The following TRHDE variants were observed in gnomAD, a reference collection of about 807,000 sequenced individuals.
The protein encoded by TRHDE is thyrotropin releasing hormone degrading enzyme.
In TRHDE, 72 loss-of-function variants were observed where a neutral mutation model predicts 125.7. The observed-to-expected ratio is 0.57, with a 90% CI of 0.47 to 0.70. The LOEUF is 0.70. TRHDE is among the 30% of genes least tolerant of loss of function. TRHDE has a pLI of 0.00. For missense variants in TRHDE, 1,110 were observed against 1,327.1 expected (o/e 0.84, Z 2.54); for synonymous variants, 509 against 509.1 (o/e 1.00, Z 0.00).
chr12:72,175,360 G>C (rs772573180), intron 2 of TRHDE, among the ~76,000 whole-genome samples: 4 of 152,166 alleles, frequency 2.6e-5, no homozygotes, highest in Non-Finnish European at 5.9e-5. Context: ...TACTACCGTG[G>C]TGTTTGCAAA....
intron 3 of TRHDE, 73 bp from the exon 4 acceptor site, chr12:72,469,685 C>T: frequency 6.7e-7 from 1 of 1,491,040 alleles, no homozygotes; most frequent in Non-Finnish European, 9.1e-7. Flanking sequence ...GATTTCTGGA[C>T]ACTTTTTAGG....
At chr12:72,391,848 A>G (rs775403365) in intron 3 of TRHDE, among the ~76,000 whole-genome samples, 6 of 152,152 alleles carry the variant, frequency 3.9e-5, no homozygotes, top group Non-Finnish European at 7.4e-5. Context: ...TCTTATACCT[A>G]TTGCTATGGA....
chr12:72,607,192 T>G (rs138399494), intron 12 of TRHDE, among the ~76,000 whole-genome samples: 178 of 152,280 alleles, frequency 1.2e-3, no homozygotes, highest in African/African-American at 4.0e-3. Flanking sequence ...TTTTGCTAAT[T>G]GCATCCGCAC....
At chr12:72,411,063 C>T (rs1411533738) in intron 3 of TRHDE, among the ~76,000 whole-genome samples, 1 of 151,802 alleles carries the variant, frequency 6.6e-6, no homozygotes, top group African/African-American at 2.4e-5. Context: ...ATTAGCTGGG[C>T]GTGGTGGCAG....
intron 12 of TRHDE, among the ~76,000 whole-genome samples, chr12:72,594,569 T>G (rs1871846069): frequency 6.6e-6 from 1 of 151,784 alleles, no homozygotes; most frequent in Admixed American, 6.6e-5. Context: ...TAATCCCATT[T>G]GGTATTTATG....
chr12:72,292,838 A>G (rs1243257481), intron 2 of TRHDE, among the ~76,000 whole-genome samples: 2 of 152,232 alleles, frequency 1.3e-5, no homozygotes, highest in African/African-American at 2.4e-5. Context: ...ATATTGCTGA[A>G]TAAGAAATCA....
intron 2 of TRHDE, among the ~76,000 whole-genome samples, chr12:72,109,917 C>T (rs935449046): frequency 3.3e-5 from 5 of 152,054 alleles, no homozygotes; most frequent in African/African-American, 1.2e-4. Context: ...CATCTCTGTG[C>T]AGTCAGAGAT....
At chr12:72,616,643 T>C (rs1456292203) in intron 12 of TRHDE, among the ~76,000 whole-genome samples, 1 of 152,120 alleles carries the variant, frequency 6.6e-6, no homozygotes, top group Non-Finnish European at 1.5e-5. Context: ...ACACAATAAA[T>C]TATAATTGAC....
At chr12:72,203,077 T>C (rs925450621) in intron 2 of TRHDE, among the ~76,000 whole-genome samples, 1 of 152,180 alleles carries the variant, frequency 6.6e-6, no homozygotes, top group Non-Finnish European at 1.5e-5. Context: ...TGAACTATTA[T>C]GTCTTTTATA....
intron 2 of TRHDE, among the ~76,000 whole-genome samples, chr12:72,321,843 G>C (rs1438239377): frequency 2.0e-5 from 3 of 151,838 alleles, no homozygotes; most frequent in Non-Finnish European, 4.4e-5. Flanking sequence ...TCTCTGCCTA[G>C]TTGTGGATAA....
intron 15 of TRHDE, among the ~76,000 whole-genome samples, chr12:72,642,855 G>A (rs745905122): frequency 1.5e-4 from 23 of 152,056 alleles, no homozygotes; most frequent in Admixed American, 5.2e-4. Flanking sequence ...TTTAGCTCAC[G>A]CTTTACAAAC....
At chr12:72,201,162 G>A (rs988004554) in intron 2 of TRHDE, among the ~76,000 whole-genome samples, 1 of 152,122 alleles carries the variant, frequency 6.6e-6, no homozygotes, top group South Asian at 2.1e-4. Context: ...TGCAATTGAA[G>A]TAGGGATCAG....
chr12:72,305,017 A>G (rs1868319220), intron 2 of TRHDE, among the ~76,000 whole-genome samples: 1 of 152,164 alleles, frequency 6.6e-6, no homozygotes, highest in African/African-American at 2.4e-5. Flanking sequence ...AGAGCAAGAG[A>G]GCACATGCGA....
At chr12:72,591,818 G>A (rs1871699538) in intron 12 of TRHDE, among the ~76,000 whole-genome samples, 1 of 150,910 alleles carries the variant, frequency 6.6e-6, no homozygotes, top group Non-Finnish European at 1.5e-5. Context: ...TTTTTTCAAT[G>A]TCTTCTGGCC....
intron 6 of TRHDE, among the ~76,000 whole-genome samples, chr12:72,517,366 G>A (rs202155916): frequency 1.6e-3 from 222 of 141,428 alleles, no homozygotes; most frequent in East Asian, 2.4e-3. Context: ...TCCTGGTTTA[G>A]TCTTGGGAGA....
At chr12:72,442,992 A>C (rs1344353638) in intron 3 of TRHDE, among the ~76,000 whole-genome samples, 2 of 151,856 alleles carry the variant, frequency 1.3e-5, no homozygotes, top group African/African-American at 2.4e-5. Context: ...AAATCTGACC[A>C]TGCTATTCTC....
In TRHDE at chr12:72,427,160, T is replaced by C. The variant is rs562818803; in HGVS notation, c.1316-42598T>C. ...TACCCATAGACAATCTGTAAATGAA[T>C]GGATGTGGCCAAATTTGGCCCTTCA... On this transcript the variant is annotated intron_variant, in intron 3 of 18. Coordinates refer to ENST00000261180, the MANE Select transcript of TRHDE (RefSeq NM_013381.3). Among the ~76,000 whole-genome samples the C allele has an allele frequency of 4.6e-5, 7 of 152,204 alleles. No individual in the cohort carries two copies. The East Asian group carries it at 7.7e-4, about 17-fold the overall frequency.
rs543202563 is a variant in TRHDE, at chr12:72,282,073, C to T, written c.915-4608C>T. On this transcript the variant is annotated intron_variant, in intron 1 of 18. Transcript: ENST00000261180. ...AAATGACATTCTACGAATCACACTC[C>T]CAGAATGTCACTTTTGAAAGTGGAA... Among the ~76,000 whole-genome samples, 10 of 152,184 alleles carry T rather than the reference C, an allele frequency of 6.6e-5. No individual in the cohort carries two copies. The South Asian group carries it at 2.1e-3, about 32-fold the overall frequency.
chr12:72,594,358 A>G (rs1592560332), intron 12 of TRHDE, among the ~76,000 whole-genome samples: 1 of 151,776 alleles, frequency 6.6e-6, no homozygotes, highest in Non-Finnish European at 1.5e-5. Flanking sequence ...CCACTTCGAG[A>G]AACCCCGTCT....
Sources: allele counts gnomAD v4.1 joint callset (sites outside exome capture counted in the v4.1 genomes callset), GRCh38; gene constraint gnomAD v4.1.1; transcripts MANE v1.5; gene names NCBI Gene and HGNC (gene_info 2026-07-23, HGNC 2026-07-21).